Variants in XK observed in about 807,000 individuals in gnomAD.
XK encodes endoplasmic reticulum membrane adapter protein XK.
In XK, 2 loss-of-function variants were observed where a neutral mutation model predicts 14.0. The ratio of observed to expected loss-of-function variants is 0.14; its 90% CI spans 0.06 to 0.45. The LOEUF is 0.45. Among genes scored for constraint, XK ranks in the 20% least tolerant of loss-of-function variants. XK has a pLI of 0.98. For missense variants in XK, 235 were observed against 341.5 expected, an observed-to-expected ratio of 0.69 and a Z score of 2.46; for synonymous variants, 149 against 147.5, an observed-to-expected ratio of 1.01 and a Z score of -0.08.
At chrX:37,716,765 C>T (rs1191033072) in intron 2 of XK, among the ~76,000 whole-genome samples, 1 of 111,920 alleles carries the variant, frequency 8.9e-6, no homozygotes, top group African/African-American at 3.3e-5. Context: ...TAGGATCTTA[C>T]TTCCTTGATC....
chrX:37,708,012 C>T (rs781976114), intron 2 of XK, among the ~76,000 whole-genome samples: 57 of 112,602 alleles, frequency 5.1e-4, no homozygotes, highest in African/African-American at 1.6e-3. Flanking sequence ...GAGACCAGCC[C>T]GGCCAACACA....
intron 2 of XK, among the ~76,000 whole-genome samples, chrX:37,709,289 T>C (rs1241349407): frequency 1.8e-5 from 2 of 112,440 alleles, no homozygotes; most frequent in East Asian, 5.5e-4. Context: ...GATCTTCAGT[T>C]ATCTAAAGAT....
chrX:37,722,295 T>A (rs1927891407), intron 2 of XK, among the ~76,000 whole-genome samples: 2 of 111,070 alleles, frequency 1.8e-5, no homozygotes, highest in South Asian at 7.5e-4. Flanking sequence ...CAATGAAGGA[T>A]TTTTTTTAAG....
chrX:37,712,917 G>A (rs1556447019), intron 2 of XK, among the ~76,000 whole-genome samples: 1 of 111,945 alleles, frequency 8.9e-6, no homozygotes, highest in African/African-American at 3.2e-5. Flanking sequence ...AAGTTCAGAG[G>A]CAGAGTGATC....
At chrX:37,694,963 C>A (rs185757297) in intron 2 of XK, among the ~76,000 whole-genome samples, 6 of 111,977 alleles carry the variant, frequency 5.4e-5, no homozygotes, top group African/African-American at 9.8e-5. Context: ...GGTGAGTGTT[C>A]TAAGAAGGAG....
intron 2 of XK, among the ~76,000 whole-genome samples, chrX:37,707,645 A>G (rs1927566827): frequency 9.7e-6 from 1 of 103,195 alleles, no homozygotes; most frequent in African/African-American, 3.6e-5. Flanking sequence ...ATCTCAGACA[A>G]TGGGCGGCCG....
chrX:37,701,934 T>C lies in XK; in HGVS notation c.508+7386T>C, dbSNP rs1053023174. Among the ~76,000 whole-genome samples, 48 of 111,743 alleles carry C rather than the reference T, an allele frequency of 4.3e-4. No individual in the cohort carries two copies. In the Middle Eastern group the frequency reaches 0.014, roughly 32 times the overall value. On this transcript the variant is annotated intron_variant, in intron 2 of 2. Transcript: ENST00000378616. Reference sequence around the variant, plus strand: ...GGTGTCCCTTTTTCTCCTCCTGCCTTGTGACTCGCCCTCTCTCTGCCTCTG... The same window carrying C: ...GGTGTCCCTTTTTCTCCTCCTGCCTCGTGACTCGCCCTCTCTCTGCCTCTG...
intron 2 of XK, among the ~76,000 whole-genome samples, chrX:37,697,771 C>T (rs1341476882): frequency 8.9e-6 from 1 of 112,149 alleles, no homozygotes; most frequent in Admixed American, 9.4e-5. Context: ...AGTTTTAGAA[C>T]ATTTTCATCA....
At chrX:37,705,826 C>T (rs1351067944) in intron 2 of XK, among the ~76,000 whole-genome samples, 2 of 106,317 alleles carry the variant, frequency 1.9e-5, no homozygotes, top group African/African-American at 6.9e-5. Context: ...AATCATGGCT[C>T]ACCGTAGCCT....
At position 37,728,041 on chromosome X, in the gene XK, C is replaced by T; in HGVS notation, c.914C>T (p.Pro305Leu). 1.7e-6 allele frequency: 2 copies of T among 1,211,423 alleles called. No homozygotes were observed. Among genetic ancestry groups the T allele is most frequent in the Non-Finnish European group, 2.2e-6 (2 of 895,439 alleles). The change falls in exon 3 of 3, where the codon CCT (proline) becomes CTT (leucine). Residue 305 changes from proline (P) to leucine (L), a missense_variant. Pro to Leu is a moderately conservative substitution (Grantham distance 98). Coordinates refer to ENST00000378616, the MANE Select transcript of XK (RefSeq NM_021083.4). ...GCTGTACAGCTGAAAATTGACAGCC[C>T]TGACCTCATCAGCAAGTCCCATAAT... is the stretch of plus-strand genomic sequence containing the variant. ...WSAVQLKIDS[P>L]DLISKSHNWY...
chrX:37,696,099 G>A (rs1927302311), intron 2 of XK, among the ~76,000 whole-genome samples: 1 of 111,733 alleles, frequency 8.9e-6, no homozygotes, highest in African/African-American at 3.3e-5. Flanking sequence ...CACAGTTGAA[G>A]GGTTGGCAAA....
chrX:37,711,307 G>A (rs781943205), intron 2 of XK, among the ~76,000 whole-genome samples: 63 of 112,218 alleles, frequency 5.6e-4, no homozygotes, highest in Middle Eastern at 9.2e-3. Context: ...TTCTGTGCAC[G>A]TTGCCAATAT....
chrX:37,716,809 T>A (rs1362506559), intron 2 of XK, among the ~76,000 whole-genome samples: 1 of 111,931 alleles, frequency 8.9e-6, no homozygotes. Context: ...TTTGTTTGTT[T>A]GTTTGTTTTT....
chrX:37,729,631 A>G lies in XK; in HGVS notation c.*1169A>G, dbSNP rs1428761958. ...TTTGTTTCATTAAAGAGGATTGGGT[A>G]GCATATCCTCAATTATCTTGGAAAA... On this transcript the variant is annotated 3_prime_UTR_variant, in exon 3 of 3. Coordinates refer to ENST00000378616, the MANE Select transcript of XK (RefSeq NM_021083.4). The G allele has an allele frequency of 2.8e-4, 31 of 111,632 alleles. No individual in the cohort carries two copies. In the Admixed American group the frequency reaches 3.0e-3, roughly 11 times the overall value. The allele number at this position is 111,632 out of a possible 1,213,427, so 9.2% of individuals were successfully genotyped here.
In XK at chrX:37,685,938, G is replaced by A. The variant is rs373235796; in HGVS notation, c.-24G>A. On this transcript the variant is annotated 5_prime_UTR_variant, in exon 1 of 3. Coordinates refer to ENST00000378616, the MANE Select transcript of XK (RefSeq NM_021083.4). ...AGCCGCCGCCACTGCGTCCGTCCCC[G>A]GTGAGCGCCGCTGACGCGCGGAGAT... is the stretch of plus-strand genomic sequence containing the variant. 2 of 1,198,099 alleles carry A rather than the reference G, an allele frequency of 1.7e-6. No homozygotes were observed. The highest frequency in any genetic ancestry group is 1.1e-6 in the Non-Finnish European group (1 of 890,391).
intron 1 of XK, among the ~76,000 whole-genome samples, chrX:37,693,527 C>T (rs1206363057): frequency 1.0e-5 from 1 of 99,781 alleles, no homozygotes. Context: ...TAATCACAGA[C>T]ATCAGTATTC....
chrX:37,721,688 A>G (rs1556448980), intron 2 of XK, among the ~76,000 whole-genome samples: 1 of 111,450 alleles, frequency 9.0e-6, no homozygotes, highest in Admixed American at 9.5e-5. Context: ...TTACCTAGCA[A>G]CTCCACTTCT....
At chrX:37,690,739 G>C (rs5963230) in intron 1 of XK, among the ~76,000 whole-genome samples, 55,196 of 110,691 alleles carry the variant, frequency 0.5, 12,263 homozygotes, top group African/African-American at 0.88. Context: ...AGACCATGGC[G>C]TGTGAATCAT....
intron 1 of XK, 135 bp downstream of exon 1, chrX:37,686,341 C>T: frequency 1.9e-6 from 2 of 1,080,698 alleles, no homozygotes; most frequent in East Asian, 3.3e-5. Context: ...TCCGCCATGC[C>T]CCTCAGCCCC....
Sources: gnomAD v4.1 joint callset for allele counts (sites outside exome capture counted in the v4.1 genomes callset) on GRCh38, gnomAD v4.1.1 for gene constraint, MANE v1.5 for transcripts, NCBI Gene and HGNC (gene_info 2026-07-23, HGNC 2026-07-21) for gene names.